HUS1: variants seen among roughly 807,000 people sequenced by gnomAD.
HUS1 encodes the protein checkpoint protein HUS1.
In HUS1, 31 loss-of-function variants were observed where a neutral mutation model predicts 32.6. The observed-to-expected ratio is 0.95, with a 90% CI of 0.72 to 1.28. HUS1 has a LOEUF of 1.28. Ranked by LOEUF, HUS1 falls within the 50% of genes most tolerant of loss-of-function variation. The probability of loss-of-function intolerance (pLI) is 0.00; values close to 1 mark genes in which losing one functional copy is unlikely to be tolerated. For synonymous variants in HUS1, 123 were observed against 116.6 expected (o/e 1.06, Z -0.36); for missense variants, 340 against 337.7 (o/e 1.01, Z -0.05).
chr7:47,975,963 G>A (rs1353556546), intron 4 of HUS1, among the ~76,000 whole-genome samples: 2 of 152,180 alleles, frequency 1.3e-5, no homozygotes, highest in Non-Finnish European at 2.9e-5. Context: ...GGCTCAAGAA[G>A]GAATAGGGTA....
intron 5 of HUS1, among the ~76,000 whole-genome samples, chr7:47,974,702 T>C (rs995352384): frequency 1.3e-5 from 2 of 151,900 alleles, no homozygotes; most frequent in Non-Finnish European, 2.9e-5. Flanking sequence ...GGAGGGGCAG[T>C]GAGTGAAGGA....
At chr7:47,970,786 GAAAC>G in intron 5 of HUS1, among the ~76,000 whole-genome samples, 1 of 152,168 alleles carries the variant, frequency 6.6e-6, no homozygotes, top group East Asian at 1.9e-4. Flanking sequence ...TCCAAGCTGT[GAAAC>G]AAAATCAGAA....
chr7:47,974,784 A>G (rs1034113108), intron 5 of HUS1, among the ~76,000 whole-genome samples: 19 of 152,182 alleles, frequency 1.2e-4, no homozygotes, highest in African/African-American at 4.6e-4. Flanking sequence ...ACACTGTAAC[A>G]TTTCGAGCCA....
chr7:47,965,026 G>A lies in HUS1; in HGVS notation c.*330C>T, dbSNP rs929984802. On this transcript the variant is annotated 3_prime_UTR_variant, in exon 8 of 8. Coordinates refer to ENST00000258774, the MANE Select transcript of HUS1 (RefSeq NM_004507.4). Reference sequence around the variant, plus strand: ...CCAAGCTCCCAGGCAACAGCTTTACGAATTCTGGCTACTACACCAAGTCTA... The same window carrying A: ...CCAAGCTCCCAGGCAACAGCTTTACAAATTCTGGCTACTACACCAAGTCTA... 34 of 222,870 alleles carry A rather than the reference G, an allele frequency of 1.5e-4. No individual in the cohort carries two copies. Among genetic ancestry groups the A allele is most frequent in the African/African-American group, 6.7e-4 (30 of 44,582 alleles). 13.8% of individuals were successfully genotyped at this position (222,870 alleles called of 1,614,324 possible).
chr7:47,969,429 A>G (rs1788549839), intron 5 of HUS1, 111 bp from the exon 6 acceptor site: 1 of 658,728 alleles, frequency 1.5e-6, no homozygotes, highest in Non-Finnish European at 2.7e-6. Flanking sequence ...CAAAACCTCA[A>G]AACACCTCAG....
rs531162277 is a variant in HUS1, at chr7:47,978,965, C to G, written c.53-149G>C. On this transcript the variant is annotated intron_variant, in intron 1 of 7. Transcript: ENST00000258774. ...ATCACACTGGAAAGTACTTTAATAC[C>G]CCTGATGTCACGCAATTCTCCCAAC... is the stretch of plus-strand genomic sequence containing the variant. 21 of 719,614 alleles carry G rather than the reference C, an allele frequency of 2.9e-5. No individual in the cohort carries two copies. In the African/African-American group the frequency reaches 3.0e-4, roughly 10 times the overall value. The allele number at this position is 719,614 out of a possible 1,614,324, so 44.6% of individuals were successfully genotyped here.
chr7:47,978,032 G>A (rs548698016), intron 3 of HUS1, among the ~76,000 whole-genome samples: 32 of 152,294 alleles, frequency 2.1e-4, no homozygotes, highest in African/African-American at 6.7e-4. Context: ...TAAAACATAC[G>A]TGTACTGAAG....
chr7:47,974,853 C>A (rs1788667642), intron 5 of HUS1, among the ~76,000 whole-genome samples: 1 of 152,098 alleles, frequency 6.6e-6, no homozygotes, highest in Admixed American at 6.5e-5. Context: ...ATAAAAGTGC[C>A]CCCTAGCTTG....
chr7:47,967,920 C>G lies in HUS1; in HGVS notation c.646G>C (p.Glu216Gln), dbSNP rs1788514837. Reference protein sequence around the residue: ...KDLGNPPLASESTHEDRNVEH... With the variant: ...KDLGNPPLASQSTHEDRNVEH... ...ACGTTTCTGTCCTCATGGGTGCTTTCAGAGGCTAAAATGATAGGAATGCAT... is the reference window on the plus strand; with the variant it reads ...ACGTTTCTGTCCTCATGGGTGCTTTGAGAGGCTAAAATGATAGGAATGCAT... The change falls in exon 7 of 8, where the codon GAA (glutamate) becomes CAA (glutamine). Residue 216 changes from glutamate (E) to glutamine (Q), a missense_variant. By Grantham distance (29) the Glu-to-Gln change is conservative. Transcript: ENST00000258774. 4 of 1,611,494 alleles carry G rather than the reference C, an allele frequency of 2.5e-6. No homozygotes were observed. Among genetic ancestry groups the G allele is most frequent in the Non-Finnish European group, 2.5e-6 (3 of 1,178,878 alleles).
intron 6 of HUS1, 83 bp from the exon 7 acceptor site, chr7:47,968,008 T>C (rs1167646130): frequency 2.1e-6 from 3 of 1,431,306 alleles, no homozygotes; most frequent in Non-Finnish European, 1.9e-6. Context: ...TTTACTTAAA[T>C]AAATGATTCA....
chr7:47,967,993 T>C, intron 6 of HUS1, 68 bp from the exon 7 acceptor site: 2 of 1,500,310 alleles, frequency 1.3e-6, no homozygotes, highest in East Asian at 2.3e-5. Context: ...AGATACTCAA[T>C]GCATTTTACT....
chr7:47,969,644 A>C (rs1304050895), intron 5 of HUS1, among the ~76,000 whole-genome samples: 1 of 152,114 alleles, frequency 6.6e-6, no homozygotes, highest in Non-Finnish European at 1.5e-5. Flanking sequence ...GGCTCTAGGG[A>C]GGGCTGGGTG....
chr7:47,970,946 A>G (rs3176564), intron 5 of HUS1, among the ~76,000 whole-genome samples: 71,090 of 152,026 alleles, frequency 0.47, 17,217 homozygotes, highest in East Asian at 0.54. Flanking sequence ...ATAGGCTTTT[A>G]ATAACCAAAA....
chr7:47,969,400 C>T (rs1788548586), intron 5 of HUS1, 82 bp from the exon 6 acceptor site: 1 of 739,192 alleles, frequency 1.4e-6, no homozygotes, highest in East Asian at 2.6e-5. Flanking sequence ...TTCACACAAC[C>T]AGATGACAAA....
intron 7 of HUS1, among the ~76,000 whole-genome samples, 182 bp from the exon 8 acceptor site, chr7:47,965,620 C>G (rs1788462510): frequency 6.6e-6 from 1 of 152,206 alleles, no homozygotes; most frequent in Non-Finnish European, 1.5e-5. Flanking sequence ...ATCACGGCCC[C>G]AGCACTGGCG....
Position 47,963,359 on chromosome 7 carries a change from T to G in HUS1, c.*1997A>C, listed in dbSNP as rs1788408702. The G allele has an allele frequency of 6.6e-6, 1 of 152,258 alleles. No homozygotes were observed. Among genetic ancestry groups the G allele is most frequent in the Non-Finnish European group, 1.5e-5 (1 of 68,046 alleles). 9.4% of individuals were successfully genotyped at this position (152,258 alleles called of 1,614,324 possible). A position where few individuals can be genotyped will look rare whatever the true frequency, so the allele number is the denominator to read the frequency against. ...AAATCTTAAGCCATTCATTAAAATCTTCAAAATTATATGTATTTGATAATA... is the reference window on the plus strand; with the variant it reads ...AAATCTTAAGCCATTCATTAAAATCGTCAAAATTATATGTATTTGATAATA... On this transcript the variant is annotated 3_prime_UTR_variant, in exon 8 of 8. Transcript: ENST00000258774.
chr7:47,976,265 T>C (rs1788701850), intron 4 of HUS1: 1 of 433,260 alleles, frequency 2.3e-6, no homozygotes, highest in South Asian at 1.6e-5. Flanking sequence ...CAAGAGGAAA[T>C]GGGCCCTTTG....
intron 5 of HUS1, among the ~76,000 whole-genome samples, chr7:47,970,164 C>A (rs2686840): frequency 4.2e-5 from 6 of 143,148 alleles, no homozygotes; most frequent in African/African-American, 2.6e-5. Context: ...ACCCGGGAGG[C>A]GGAACTTGCA....
At position 47,965,061 on chromosome 7, in the gene HUS1, C is replaced by A; in HGVS notation, c.*295G>T. Reference sequence around the variant, plus strand: ...TACTACACCAAGTCTAAATACATGACGATTTTCACAACATCAATGAGAAAT... The same window carrying A: ...TACTACACCAAGTCTAAATACATGAAGATTTTCACAACATCAATGAGAAAT... On this transcript the variant is annotated 3_prime_UTR_variant, in exon 8 of 8. Transcript: ENST00000258774. 6.9e-6 allele frequency: 2 copies of A among 290,102 alleles called. No homozygotes were observed. Among genetic ancestry groups the A allele is most frequent in the East Asian group, 7.2e-5 (1 of 13,918 alleles). 18.0% of individuals were successfully genotyped at this position (290,102 alleles called of 1,614,324 possible).
Sources: gnomAD v4.1 joint callset for allele counts (sites outside exome capture counted in the v4.1 genomes callset) on GRCh38, gnomAD v4.1.1 for gene constraint, MANE v1.5 for transcripts, NCBI Gene and HGNC (gene_info 2026-07-23, HGNC 2026-07-21) for gene names.